TMPRSS11A: variants seen among roughly 807,000 people sequenced by gnomAD.
The protein encoded by TMPRSS11A is transmembrane serine protease 11A.
TMPRSS11A carries 53 observed loss-of-function variants against 58.9 expected under a neutral mutation model. That is an observed-to-expected ratio of 0.90 (90% CI 0.72 to 1.13). The LOEUF (loss-of-function observed/expected upper bound fraction) is 1.13, where lower values mean the gene tolerates loss of function less well. TMPRSS11A is among the 50% of genes most tolerant of loss of function. The pLI, the probability that TMPRSS11A is intolerant of heterozygous loss-of-function variation, is 0.00. For synonymous variants in TMPRSS11A, 167 were observed against 169.8 expected (o/e 0.98, Z 0.13); for missense variants, 493 against 499.3 (o/e 0.99, Z 0.12).
chr4:67,956,412 T>C (rs1325140470), intron 1 of TMPRSS11A, among the ~76,000 whole-genome samples: 1 of 152,184 alleles, frequency 6.6e-6, no homozygotes, highest in African/African-American at 2.4e-5. Context: ...AGATCTTGCT[T>C]ATATTACTTT....
Position 67,919,129 on chromosome 4 carries a change from A to T in TMPRSS11A, c.796T>A (p.Ser266Thr). The T allele has an allele frequency of 6.2e-7, 1 of 1,614,176 alleles. No homozygotes were observed. The highest frequency in any genetic ancestry group is 1.7e-5 in the Admixed American group (1 of 60,012). Residue 266 changes from serine (S) to threonine (T), a missense_variant, in exon 8 of 10, where the codon TCT (serine) becomes ACT (threonine). Physicochemically the swap from Ser to Thr is moderately conservative, Grantham distance 58. Coordinates refer to ENST00000508048, the MANE Select transcript of TMPRSS11A (RefSeq NM_001114387.2). ...GCAATGTCGTACTCTCTTGCTGCAG[A>T]GCGGTACTTCTCATGGATAATAAAT... ...RRFIIHEKYR[S>T]AAREYDIAVV...
chr4:67,931,277 A>G (rs1426689587), intron 4 of TMPRSS11A, among the ~76,000 whole-genome samples: 1 of 152,206 alleles, frequency 6.6e-6, no homozygotes, highest in Non-Finnish European at 1.5e-5. Context: ...CCAACAAAGC[A>G]TTATTAGTCT....
intron 5 of TMPRSS11A, among the ~76,000 whole-genome samples, chr4:67,924,461 C>A (rs549757175): frequency 6.6e-6 from 1 of 152,294 alleles, no homozygotes; most frequent in South Asian, 2.1e-4. Flanking sequence ...GGTTTTCCAG[C>A]AGTTCGGGGT....
chr4:67,919,060 G>A lies in TMPRSS11A; in HGVS notation c.865C>T (p.Arg289Cys), dbSNP rs572842431. 106 of 1,614,106 alleles carry A rather than the reference G, an allele frequency of 6.6e-5. No individual in the cohort carries two copies. The highest frequency in any genetic ancestry group is 2.5e-4 in the East Asian group (11 of 44,884). The change falls in exon 8 of 10, where the codon CGC (arginine) becomes TGC (cysteine). Residue 289 changes from arginine (R) to cysteine (C), a missense_variant. Coordinates refer to ENST00000508048, the MANE Select transcript of TMPRSS11A (RefSeq NM_001114387.2). ...GAGGCTTCTGGCAAACAAATCTGGC[G>A]TATGTCATCCGAAAAGGTGACTCTG... is the stretch of plus-strand genomic sequence containing the variant. ...SSRVTFSDDI[R>C]QICLPEASAS...
chr4:67,959,329 T>C (rs1183814367), intron 1 of TMPRSS11A, among the ~76,000 whole-genome samples: 1 of 152,048 alleles, frequency 6.6e-6, no homozygotes, highest in South Asian at 2.1e-4. Flanking sequence ...CCAAAAGCAA[T>C]TGCAACAAAA....
chr4:67,914,323 G>A (rs353172), intron 9 of TMPRSS11A, among the ~76,000 whole-genome samples: 50,454 of 151,906 alleles, frequency 0.33, 9,428 homozygotes, highest in Non-Finnish European at 0.43. Context: ...AATGTGAGCC[G>A]CTTGAGAAAA....
At chr4:67,946,932 A>C (rs944230961) in intron 1 of TMPRSS11A, among the ~76,000 whole-genome samples, 5 of 152,116 alleles carry the variant, frequency 3.3e-5, no homozygotes, top group African/African-American at 4.8e-5. Context: ...GAGTTTACAA[A>C]GTGATTTTAA....
Position 67,961,668 on chromosome 4 carries a change from A to G in TMPRSS11A, c.11+1715T>C, listed in dbSNP as rs149466802. 1.4e-3 allele frequency among the ~76,000 whole-genome samples: 207 copies of G among 151,948 alleles called. 5 individuals are homozygous for G. The East Asian group carries it at 0.033, about 24-fold the overall frequency. ...TGGGCCTACAGGTGCATGCGCCACCATGCCCGGCTAATTGTTGTATTTTTA... is the reference window on the plus strand; with the variant it reads ...TGGGCCTACAGGTGCATGCGCCACCGTGCCCGGCTAATTGTTGTATTTTTA... On this transcript the variant is annotated intron_variant, in intron 1 of 9. Transcript: ENST00000508048.
intron 5 of TMPRSS11A, among the ~76,000 whole-genome samples, chr4:67,924,973 C>CTTTTT (rs11286541): frequency 5.8e-5 from 8 of 138,298 alleles, no homozygotes; most frequent in African/African-American, 2.1e-4. Context: ...TCACATAAAT[C>CTTTTT]TTTTTTTTTT....
At chr4:67,924,902 G>A (rs1720425150) in intron 5 of TMPRSS11A, among the ~76,000 whole-genome samples, 1 of 151,842 alleles carries the variant, frequency 6.6e-6, no homozygotes, top group African/African-American at 2.4e-5. Flanking sequence ...TGTCTTACAG[G>A]TCTCAAACTC....
chr4:67,942,552 TTTG>T (rs1720905638), intron 3 of TMPRSS11A, among the ~76,000 whole-genome samples: 1 of 152,232 alleles, frequency 6.6e-6, no homozygotes, highest in Non-Finnish European at 1.5e-5. Context: ...TATGGTACTT[TTTG>T]TTGTAGTAGC....
At chr4:67,913,897 G>A (rs1720072464) in intron 9 of TMPRSS11A, among the ~76,000 whole-genome samples, 1 of 152,148 alleles carries the variant, frequency 6.6e-6, no homozygotes, top group Non-Finnish European at 1.5e-5. Context: ...ATGTTAAAAA[G>A]CAAGTGTCTC....
chr4:67,947,411 C>T (rs529307117), intron 1 of TMPRSS11A, among the ~76,000 whole-genome samples: 2 of 148,836 alleles, frequency 1.3e-5, no homozygotes, highest in Non-Finnish European at 2.9e-5. Flanking sequence ...TTTTTAATGA[C>T]ATTGACCATT....
intron 5 of TMPRSS11A, among the ~76,000 whole-genome samples, chr4:67,929,639 C>G (rs1720559407): frequency 6.6e-6 from 1 of 152,178 alleles, no homozygotes; most frequent in African/African-American, 2.4e-5. Flanking sequence ...GTTGTAAATG[C>G]TTGCCTATAT....
At chr4:67,950,737 A>T (rs1211225283) in intron 1 of TMPRSS11A, among the ~76,000 whole-genome samples, 2 of 152,262 alleles carry the variant, frequency 1.3e-5, no homozygotes, top group African/African-American at 4.8e-5. Flanking sequence ...TTTTTGAGGG[A>T]GAACTATTCG....
intron 3 of TMPRSS11A, among the ~76,000 whole-genome samples, chr4:67,933,861 G>A (rs1289869490): frequency 2.0e-5 from 3 of 152,144 alleles, no homozygotes; most frequent in African/African-American, 7.2e-5. Flanking sequence ...AGTTTGTTTT[G>A]TAATTACCCT....
intron 1 of TMPRSS11A, among the ~76,000 whole-genome samples, chr4:67,959,642 G>GA (rs1721375655): frequency 6.6e-6 from 1 of 152,174 alleles, no homozygotes; most frequent in South Asian, 2.1e-4. Flanking sequence ...ACACCCATCA[G>GA]AATGGCTACT....
rs567647515 is a variant in TMPRSS11A at position 67,938,014 on chromosome 4, G to A, written c.253-5954C>T. 3.3e-5 allele frequency among the ~76,000 whole-genome samples: 5 copies of A among 152,170 alleles called. 1 individual carries two copies. The highest frequency in any genetic ancestry group is 4.1e-4 in the South Asian group (2 of 4,826). ...TTCCACAGTGGCTGAACCCATTTAC[G>A]TTTCCAACAGTATTTAAGCATTCTC... On this transcript the variant is annotated intron_variant, in intron 3 of 9. Coordinates refer to ENST00000508048, the MANE Select transcript of TMPRSS11A (RefSeq NM_001114387.2).
intron 1 of TMPRSS11A, among the ~76,000 whole-genome samples, chr4:67,960,943 C>A (rs1385688892): frequency 6.6e-6 from 1 of 152,174 alleles, no homozygotes; most frequent in South Asian, 2.1e-4. Context: ...CTGAAGAAGT[C>A]ATTTGGTATT....
Sources: allele counts gnomAD v4.1 joint callset (sites outside exome capture counted in the v4.1 genomes callset), GRCh38; gene constraint gnomAD v4.1.1; transcripts MANE v1.5; gene names NCBI Gene and HGNC (gene_info 2026-07-23, HGNC 2026-07-21).